GRM8: variants seen among roughly 807,000 people sequenced by gnomAD.
The protein encoded by GRM8 is glutamate metabotropic receptor 8.
Under a neutral mutation model 87.2 loss-of-function variants are expected in GRM8, and 47 were observed. The ratio of observed to expected loss-of-function variants is 0.54; its 90% CI spans 0.43 to 0.69. The LOEUF (loss-of-function observed/expected upper bound fraction) is 0.69. Among genes scored for constraint, GRM8 ranks in the 30% least tolerant of loss-of-function variants. The pLI is 0.00. For synonymous variants in GRM8, 396 were observed against 404.5 expected (o/e 0.98, Z 0.25); for missense variants, 1,019 against 1,139.2 (o/e 0.89, Z 1.52).
chr7:127,224,832 T>C (rs559894836), intron 2 of GRM8, among the ~76,000 whole-genome samples: 1 of 152,238 alleles, frequency 6.6e-6, no homozygotes, highest in African/African-American at 2.4e-5. Context: ...CCTAGGCTGG[T>C]CTGAATTCCT....
chr7:126,629,574 T>G (rs886179503), intron 7 of GRM8, among the ~76,000 whole-genome samples: 1 of 152,148 alleles, frequency 6.6e-6, no homozygotes, highest in African/African-American at 2.4e-5. Context: ...CAGGACTTTA[T>G]AGGAACAGAT....
chr7:126,838,123 C>A (rs182551167), intron 6 of GRM8, among the ~76,000 whole-genome samples: 35 of 152,302 alleles, frequency 2.3e-4, no homozygotes, highest in African/African-American at 7.9e-4. Context: ...AAAATAATAT[C>A]ATTAAAATAT....
chr7:126,605,021 CAT>C lies in GRM8; in HGVS notation c.1494+4339_1494+4340del, dbSNP rs1426006400. ...AATAATATGTTGAAACCAATAAAAACATATGTTTCATTCCTACAGTAATCAAG... is the reference window on the plus strand; with the variant it reads ...AATAATATGTTGAAACCAATAAAAACATGTTTCATTCCTACAGTAATCAAG... On this transcript the variant is annotated intron_variant, in intron 8 of 10. Transcript: ENST00000339582. 1.7e-4 allele frequency among the ~76,000 whole-genome samples: 26 copies of C among 152,218 alleles called. 1 individual carries two copies. In the South Asian group the frequency reaches 3.9e-3, roughly 23 times the overall value.
chr7:126,962,652 A>G (rs1809438214), intron 3 of GRM8, among the ~76,000 whole-genome samples: 1 of 152,152 alleles, frequency 6.6e-6, no homozygotes, highest in South Asian at 2.1e-4. Context: ...GCAATTTCCA[A>G]TTTTAACCAA....
At chr7:127,006,354 T>C (rs1188296706) in intron 3 of GRM8, among the ~76,000 whole-genome samples, 1 of 151,982 alleles carries the variant, frequency 6.6e-6, no homozygotes, top group African/African-American at 2.4e-5. Flanking sequence ...AAACATGTTG[T>C]AAAAAGACTC....
chr7:126,727,588 A>G (rs929364401), intron 7 of GRM8, among the ~76,000 whole-genome samples: 1 of 152,148 alleles, frequency 6.6e-6, no homozygotes, highest in Non-Finnish European at 1.5e-5. Flanking sequence ...TAAAGCAGGT[A>G]CTTACAGTAA....
intron 3 of GRM8, among the ~76,000 whole-genome samples, chr7:127,040,076 TGGGG>T (rs1563442089): frequency 5.7e-3 from 13 of 2,284 alleles, no homozygotes; most frequent in African/African-American, 0.024. Context: ...GGGAGATGGG[TGGGG>T]GAGGAGGGAG....
At chr7:127,156,873 G>C (rs1250346128) in intron 2 of GRM8, among the ~76,000 whole-genome samples, 1 of 152,096 alleles carries the variant, frequency 6.6e-6, no homozygotes, top group East Asian at 1.9e-4. Context: ...ATATAAAGTT[G>C]AAACAACTTC....
chr7:126,583,484 C>A (rs529359334), intron 8 of GRM8, among the ~76,000 whole-genome samples: 1 of 152,150 alleles, frequency 6.6e-6, no homozygotes, highest in African/African-American at 2.4e-5. Context: ...TGAAAACTTC[C>A]TGGAAAGGCT....
At chr7:126,971,172 A>C (rs1021193024) in intron 3 of GRM8, among the ~76,000 whole-genome samples, 53 of 150,874 alleles carry the variant, frequency 3.5e-4, no homozygotes, top group African/African-American at 1.3e-3. Flanking sequence ...AAAAAAAAAA[A>C]AAAAAAAAAA....
chr7:127,130,004 T>C (rs1407608739), intron 2 of GRM8, among the ~76,000 whole-genome samples: 1 of 152,100 alleles, frequency 6.6e-6, no homozygotes, highest in African/African-American at 2.4e-5. Context: ...ATGGGGTCAG[T>C]TTCCCACATG....
chr7:126,994,829 T>C (rs927551530), intron 3 of GRM8, among the ~76,000 whole-genome samples: 1 of 152,132 alleles, frequency 6.6e-6, no homozygotes, highest in Non-Finnish European at 1.5e-5. Flanking sequence ...CTGACTGCCC[T>C]GAAGGAAATG....
intron 3 of GRM8, among the ~76,000 whole-genome samples, chr7:127,098,144 A>G (rs535913737): frequency 6.6e-6 from 1 of 152,220 alleles, no homozygotes. Flanking sequence ...CTTGCCAATT[A>G]CCTGGTGTTA....
intron 6 of GRM8, among the ~76,000 whole-genome samples, chr7:126,814,185 T>A (rs1219912571): frequency 6.6e-6 from 1 of 152,028 alleles, no homozygotes; most frequent in African/African-American, 2.4e-5. Flanking sequence ...CAAAAGAGGC[T>A]CATGTAGTAT....
At chr7:126,750,445 C>A (rs1816291140) in intron 7 of GRM8, among the ~76,000 whole-genome samples, 1 of 151,932 alleles carries the variant, frequency 6.6e-6, no homozygotes, top group Non-Finnish European at 1.5e-5. Context: ...AAATTGTACA[C>A]TTGAAATTGA....
At chr7:126,620,552 G>C (rs947354065) in intron 7 of GRM8, among the ~76,000 whole-genome samples, 1 of 152,058 alleles carries the variant, frequency 6.6e-6, no homozygotes, top group African/African-American at 2.4e-5. Context: ...TTGCGCAGGG[G>C]AAGAATATGG....
At chr7:126,520,425 T>C (rs1302278679) in intron 9 of GRM8, among the ~76,000 whole-genome samples, 1 of 152,102 alleles carries the variant, frequency 6.6e-6, no homozygotes, top group Non-Finnish European at 1.5e-5. Flanking sequence ...TTTTGGATTG[T>C]TTTAGTTCAC....
chr7:126,971,162 A>G (rs1256000613), intron 3 of GRM8, among the ~76,000 whole-genome samples: 1 of 66,922 alleles, frequency 1.5e-5, no homozygotes, highest in Non-Finnish European at 3.7e-5. Flanking sequence ...ATTTGTAAAA[A>G]AAAAAAAAAA....
chr7:127,065,629 G>A (rs988662299), intron 3 of GRM8, among the ~76,000 whole-genome samples: 1 of 152,188 alleles, frequency 6.6e-6, no homozygotes, highest in Non-Finnish European at 1.5e-5. Flanking sequence ...CAAAAATGAG[G>A]ATGTCAGAGG....
Sources: gnomAD v4.1 joint callset for allele counts (sites outside exome capture counted in the v4.1 genomes callset) on GRCh38, gnomAD v4.1.1 for gene constraint, MANE v1.5 for transcripts, NCBI Gene and HGNC (gene_info 2026-07-23, HGNC 2026-07-21) for gene names.